The following GC variants were observed in gnomAD, a reference collection of about 807,000 sequenced individuals.
GC encodes vitamin D-binding protein.
GC carries 43 observed loss-of-function variants against 56.7 expected under a neutral mutation model. That is an observed-to-expected ratio of 0.76 (90% CI 0.59 to 0.98). The LOEUF is 0.98. Among genes scored for constraint, GC ranks in the 50% least tolerant of loss-of-function variants. The pLI, the probability that GC is intolerant of heterozygous loss-of-function variation, is 0.00. For synonymous variants in GC, 216 were observed against 202.7 expected (o/e 1.07, Z -0.56); for missense variants, 529 against 545.9 (o/e 0.97, Z 0.31).
intron 1 of GC, among the ~76,000 whole-genome samples, chr4:71,790,952 C>A (rs899841293): frequency 1.1e-4 from 17 of 151,740 alleles, no homozygotes; most frequent in Non-Finnish European, 2.4e-4. Context: ...GAGTGTGAAA[C>A]AAACAACCCC....
At chr4:71,773,279 G>T (rs1742399670) in intron 1 of GC, among the ~76,000 whole-genome samples, 1 of 152,012 alleles carries the variant, frequency 6.6e-6, no homozygotes, top group African/African-American at 2.4e-5. Flanking sequence ...TTTGCTTTCT[G>T]CAATAGCATG....
rs141480221 is a variant in GC at position 71,768,367 on chromosome 4, C to A, written c.195G>T (p.Lys65Asn). 144 of 1,613,368 alleles carry A rather than the reference C, an allele frequency of 8.9e-5. 1 individual carries two copies. The African/African-American group carries it at 1.7e-3, about 19-fold the overall frequency. Residue 65 changes from lysine (K) to asparagine (N), a missense_variant, in exon 3 of 13, where the codon AAG becomes AAT. Physicochemically the swap from Lys to Asn is moderately conservative, Grantham distance 94 (BLOSUM62 0). Transcript: ENST00000273951. ...GTFEQVSQLV[K>N]EVVSLTEACC... Reference sequence around the variant, plus strand: ...AGGCTTCGGTCAAGGAGACAACTTCCTTCACAAGTTGGCTGACCTGTTCAA... The same window carrying A: ...AGGCTTCGGTCAAGGAGACAACTTCATTCACAAGTTGGCTGACCTGTTCAA...
intron 10 of GC, among the ~76,000 whole-genome samples, chr4:71,753,565 T>A (rs1189189816): frequency 6.6e-6 from 1 of 152,116 alleles, no homozygotes; most frequent in Non-Finnish European, 1.5e-5. Context: ...GACATGGTCT[T>A]CTCAATGGAG....
upstream of GC, chr4:71,784,118 G>C (rs908729144): frequency 2.8e-5 from 41 of 1,488,262 alleles, no homozygotes; most frequent in Non-Finnish European, 3.4e-5. Flanking sequence ...AAAGATTCCT[G>C]ACTATGAATT....
In GC at chr4:71,768,500, G is replaced by A. The variant is rs556138631; in HGVS notation, c.129-67C>T. 75 of 1,402,930 alleles carry A rather than the reference G, an allele frequency of 5.3e-5. No individual in the cohort carries two copies. In the African/African-American group the frequency reaches 6.5e-4, roughly 12 times the overall value. 86.9% of individuals were successfully genotyped at this position (1,402,930 alleles called of 1,614,324 possible). On this transcript the variant is annotated intron_variant, in intron 2 of 12. Transcript: ENST00000273951. ...GTTTTTTTTTTTGAGACGGAGTCTC[G>A]CTCTGTTACCCAGGCTGGAGTGCAG...
In GC at chr4:71,780,170, T is replaced by C. The variant is rs186498386; in HGVS notation, c.58+3791A>G. On this transcript the variant is annotated intron_variant, in intron 1 of 12. Coordinates refer to ENST00000273951, the MANE Select transcript of GC (RefSeq NM_000583.4). ...ATTTAATAAATGGTGCTGGGAAAACTGGCTAGCCATATGTAGAAAGCTGAA... is the reference window on the plus strand; with the variant it reads ...ATTTAATAAATGGTGCTGGGAAAACCGGCTAGCCATATGTAGAAAGCTGAA... Among the ~76,000 whole-genome samples, 998 of 152,148 alleles carry C rather than the reference T, an allele frequency of 6.6e-3. 16 individuals are homozygous for C. Among genetic ancestry groups the C allele is most frequent in the African/African-American group, 0.023 (957 of 41,536 alleles).
At chr4:71,784,360 T>C (rs1031499515), upstream of GC, 20 of 1,009,332 alleles carry the variant, frequency 2.0e-5, no homozygotes, top group Non-Finnish European at 2.4e-5. Context: ...GTTTACTTAA[T>C]ATGTTAGTAA....
At chr4:71,784,308 C>T (rs1205236992), upstream of GC, 2 of 1,108,442 alleles carry the variant, frequency 1.8e-6, no homozygotes, top group Middle Eastern at 4.0e-4. Flanking sequence ...TGCAAAAGAG[C>T]CAAGGTATAT....
At chr4:71,765,685 T>G (rs777048276) in intron 3 of GC, 42 bp from the exon 4 acceptor site, 20 of 1,237,760 alleles carry the variant, frequency 1.6e-5, no homozygotes, top group Non-Finnish European at 2.4e-5. Context: ...TATATGTAAA[T>G]TTCCAGGCTT....
chr4:71,782,933 G>A lies in GC; in HGVS notation c.58+1028C>T, dbSNP rs941058. Among the ~76,000 whole-genome samples, 8 of 151,790 alleles carry A rather than the reference G, an allele frequency of 5.3e-5. No homozygotes were observed. The East Asian group carries it at 1.6e-3, about 30-fold the overall frequency. ...GGAAAGACTTTGTAGTCTTACCTAA[G>A]GACGCATAGCTTACTTAAGAATTGA... On this transcript the variant is annotated intron_variant, in intron 1 of 12. Coordinates refer to ENST00000273951, the MANE Select transcript of GC (RefSeq NM_000583.4).
chr4:71,753,160 C>G (rs1234409904), intron 10 of GC, among the ~76,000 whole-genome samples: 1 of 152,092 alleles, frequency 6.6e-6, no homozygotes, highest in East Asian at 1.9e-4. Context: ...AAAACGAACT[C>G]TCCATTTCTC....
chr4:71,784,310 A>G, upstream of GC: 7 of 1,104,622 alleles, frequency 6.3e-6, no homozygotes, highest in Non-Finnish European at 7.7e-6. Context: ...CAAAAGAGCC[A>G]AGGTATATAG....
At chr4:71,747,255 G>T (rs1229733930) in intron 11 of GC, among the ~76,000 whole-genome samples, 1 of 152,112 alleles carries the variant, frequency 6.6e-6, no homozygotes, top group Non-Finnish European at 1.5e-5. Context: ...TAGACAGTTG[G>T]ATTAAAAATC....
Position 71,802,457 on chromosome 4 carries a change from A to G in GC, c.21+1469T>C, listed in dbSNP as rs539977216. Among the ~76,000 whole-genome samples the G allele has an allele frequency of 2.4e-4, 36 of 152,338 alleles. No homozygotes were observed. The South Asian group carries it at 7.5e-3, about 32-fold the overall frequency. On this transcript the variant is annotated intron_variant, in intron 1 of 13. Coordinates refer to the GC transcript ENST00000504199. ...TTAGGATAGCCTAATTAGCACTTGC[A>G]ATATTAATAGGGAATTTTTAAAAAT...
intron 6 of GC, among the ~76,000 whole-genome samples, chr4:71,763,202 T>C (rs1388030061): frequency 6.6e-6 from 1 of 152,200 alleles, no homozygotes; most frequent in Non-Finnish European, 1.5e-5. Context: ...AAATCTCATG[T>C]TTTATGACAT....
intron 7 of GC, among the ~76,000 whole-genome samples, chr4:71,757,437 A>C (rs1169472612): frequency 6.6e-6 from 1 of 152,182 alleles, no homozygotes; most frequent in African/African-American, 2.4e-5. Flanking sequence ...ACTGACCTTC[A>C]GCTAAAGCAA....
intron 1 of GC, among the ~76,000 whole-genome samples, chr4:71,778,590 C>G (rs146784237): frequency 6.6e-6 from 1 of 151,830 alleles, no homozygotes; most frequent in Non-Finnish European, 1.5e-5. Flanking sequence ...AGCTAGAAAT[C>G]TAGATTTTTT....
chr4:71,746,168 C>G lies in GC; in HGVS notation c.*8G>C, dbSNP rs764540894. 1.6e-6 allele frequency: 2 copies of G among 1,288,162 alleles called. No homozygotes were observed. The highest frequency in any genetic ancestry group is 2.3e-6 in the Non-Finnish European group (2 of 887,676). The allele number at this position is 1,288,162 out of a possible 1,614,324, so 79.8% of individuals were successfully genotyped here. A position where few individuals can be genotyped will look rare whatever the true frequency, so the allele number is the denominator to read the frequency against. On this transcript the variant is annotated 3_prime_UTR_variant, in exon 12 of 13. Coordinates refer to ENST00000273951, the MANE Select transcript of GC (RefSeq NM_000583.4). ...ATACTTACCAAAGTTAATAAACATGCTTCAGGACTACAGGATATTCTTCAA... is the reference window on the plus strand; with the variant it reads ...ATACTTACCAAAGTTAATAAACATGGTTCAGGACTACAGGATATTCTTCAA...
chr4:71,759,238 C>A (rs910686018), intron 6 of GC, among the ~76,000 whole-genome samples: 7 of 152,092 alleles, frequency 4.6e-5, no homozygotes, highest in Non-Finnish European at 1.0e-4. Context: ...AATAATTCTG[C>A]AGTGAACATG....
Sources: allele counts gnomAD v4.1 joint callset (sites outside exome capture counted in the v4.1 genomes callset), GRCh38; gene constraint gnomAD v4.1.1; transcripts MANE v1.5; gene names NCBI Gene and HGNC (gene_info 2026-07-23, HGNC 2026-07-21).